ADAM12: variants seen among roughly 807,000 people sequenced by gnomAD.
ADAM12 encodes ADAM metallopeptidase domain 12.
Under a neutral mutation model 106.4 loss-of-function variants are expected in ADAM12, and 70 were observed. That is an observed-to-expected ratio of 0.66 (90% CI 0.54 to 0.80). The LOEUF (loss-of-function observed/expected upper bound fraction) is 0.80. ADAM12 is among the 30% of genes least tolerant of loss of function. The pLI is 0.00. For synonymous variants in ADAM12, 420 were observed against 433.5 expected (o/e 0.97, Z 0.39); for missense variants, 1,010 against 1,171.9 (o/e 0.86, Z 2.02).
intron 2 of ADAM12, among the ~76,000 whole-genome samples, chr10:126,303,361 TC>T (rs1314018281): frequency 1.6e-4 from 24 of 152,200 alleles, no homozygotes; most frequent in Non-Finnish European, 3.4e-4. Flanking sequence ...ACTGTCATTT[TC>T]CCTTTTATTA....
chr10:126,130,403 A>G (rs1196202204), intron 5 of ADAM12, among the ~76,000 whole-genome samples: 2 of 152,080 alleles, frequency 1.3e-5, no homozygotes, highest in Non-Finnish European at 2.9e-5. Context: ...AAGCGCCCAC[A>G]GTGAGGAGTT....
intron 3 of ADAM12, among the ~76,000 whole-genome samples, chr10:126,234,351 CTTT>C (rs969863199): frequency 8.5e-5 from 13 of 152,198 alleles, no homozygotes; most frequent in African/African-American, 3.1e-4. Flanking sequence ...CATAAGTATT[CTTT>C]AAGCAGACAC....
At chr10:126,197,053 T>C (rs1179223131) in intron 3 of ADAM12, among the ~76,000 whole-genome samples, 8 of 152,094 alleles carry the variant, frequency 5.3e-5, no homozygotes, top group African/African-American at 1.9e-4. Context: ...GGCTTTAAGA[T>C]GGGAAGAAGA....
chr10:126,207,072 C>T (rs1565138434), intron 3 of ADAM12, among the ~76,000 whole-genome samples: 1 of 152,178 alleles, frequency 6.6e-6, no homozygotes, highest in Non-Finnish European at 1.5e-5. Context: ...GGAACTGAGT[C>T]TATTAAACCT....
intron 5 of ADAM12, among the ~76,000 whole-genome samples, chr10:126,125,494 C>T (rs189117562): frequency 1.3e-3 from 194 of 152,140 alleles, no homozygotes; most frequent in African/African-American, 4.0e-3. Context: ...CCGCCAGCCT[C>T]GGCCTCCCAA....
intron 3 of ADAM12, among the ~76,000 whole-genome samples, chr10:126,201,877 C>A (rs115767603): frequency 6.6e-6 from 1 of 152,368 alleles, no homozygotes; most frequent in African/African-American, 2.4e-5. Context: ...GCAAGACCTT[C>A]TACCTCGAGC....
chr10:126,111,250 T>C (rs1276823535), intron 6 of ADAM12, among the ~76,000 whole-genome samples: 1 of 152,202 alleles, frequency 6.6e-6, no homozygotes, highest in Non-Finnish European at 1.5e-5. Context: ...CTTTACAATG[T>C]TACAAGAAGA....
At chr10:126,154,391 G>T (rs1045632033) in intron 4 of ADAM12, among the ~76,000 whole-genome samples, 6 of 152,206 alleles carry the variant, frequency 3.9e-5, no homozygotes, top group African/African-American at 1.4e-4. Context: ...GAAGGCTGCA[G>T]GTATCAGCTT....
At chr10:126,223,505 C>T (rs1958134745) in intron 3 of ADAM12, among the ~76,000 whole-genome samples, 1 of 152,138 alleles carries the variant, frequency 6.6e-6, no homozygotes. Context: ...GAGCTGAGAG[C>T]CTAATAGGCA....
At chr10:126,273,089 C>G (rs1268121833) in intron 3 of ADAM12, 1 of 153,926 alleles carries the variant, frequency 6.5e-6, no homozygotes, top group Non-Finnish European at 1.4e-5. Context: ...AGTGATCTCC[C>G]AGCAACAAAT....
At chr10:126,145,864 C>T (rs1956617299) in intron 4 of ADAM12, among the ~76,000 whole-genome samples, 1 of 152,154 alleles carries the variant, frequency 6.6e-6, no homozygotes, top group Non-Finnish European at 1.5e-5. Flanking sequence ...TAAACATAGG[C>T]ATGTGTGAAA....
At chr10:126,082,313 G>A (rs1274152353) in intron 11 of ADAM12, among the ~76,000 whole-genome samples, 1 of 148,024 alleles carries the variant, frequency 6.8e-6, no homozygotes, top group East Asian at 2.0e-4. Flanking sequence ...AGAGTGAGAC[G>A]TGGCCACAAA....
At chr10:126,328,402 G>A (rs1162569681) in intron 2 of ADAM12, among the ~76,000 whole-genome samples, 1 of 152,176 alleles carries the variant, frequency 6.6e-6, no homozygotes, top group Non-Finnish European at 1.5e-5. Flanking sequence ...GCATGATTCA[G>A]TTCAAAATGA....
intron 3 of ADAM12, among the ~76,000 whole-genome samples, chr10:126,249,841 A>G (rs551984314): frequency 2.0e-5 from 3 of 152,308 alleles, no homozygotes; most frequent in South Asian, 2.1e-4. Flanking sequence ...TGTTACATGC[A>G]TAAGACATAC....
intron 14 of ADAM12, among the ~76,000 whole-genome samples, chr10:126,062,921 G>A (rs984708869): frequency 7.2e-5 from 11 of 152,198 alleles, no homozygotes; most frequent in East Asian, 1.9e-4. Flanking sequence ...AGCAGTAGCC[G>A]CAGTCCCAAA....
intron 3 of ADAM12, among the ~76,000 whole-genome samples, chr10:126,258,817 T>C (rs1051853085): frequency 2.0e-4 from 31 of 152,274 alleles, no homozygotes; most frequent in African/African-American, 7.0e-4. Flanking sequence ...AAGACACCTT[T>C]CTTTCCCTCA....
At chr10:126,085,174 C>T (rs554768576) in intron 11 of ADAM12, among the ~76,000 whole-genome samples, 1 of 152,192 alleles carries the variant, frequency 6.6e-6, no homozygotes, top group Admixed American at 6.5e-5. Context: ...GGATTATGTA[C>T]AGAAAAGCAG....
rs538671926 is a variant in ADAM12, at chr10:126,283,116, A to C, written c.187-4128T>G. On this transcript the variant is annotated intron_variant, in intron 2 of 22. Transcript: ENST00000448723. ...CACAACCTAGATCCCTCACGTGCAC[A>C]GTTCACAATAGGGTTTGTGCTCCTA... Among the ~76,000 whole-genome samples, 5 of 152,156 alleles carry C rather than the reference A, an allele frequency of 3.3e-5. No individual in the cohort carries two copies. In the East Asian group the frequency reaches 9.7e-4, roughly 29 times the overall value.
Position 126,178,769 on chromosome 10 carries a change from G to A in ADAM12, c.261-23464C>T, listed in dbSNP as rs540602266. On this transcript the variant is annotated intron_variant, in intron 3 of 22. Transcript: ENST00000448723. The stretch of plus-strand genomic sequence containing the variant: ...CTGTCAAAATCCACTCAAGCAGGCC[G>A]GGCGCAGTGGCTCACGCCTGTAATC... Among the ~76,000 whole-genome samples the A allele has an allele frequency of 3.3e-5, 5 of 152,106 alleles. No individual in the cohort carries two copies. The East Asian group carries it at 5.8e-4, about 18-fold the overall frequency.
Sources: allele counts gnomAD v4.1 joint callset (sites outside exome capture counted in the v4.1 genomes callset), GRCh38; gene constraint gnomAD v4.1.1; transcripts MANE v1.5; gene names NCBI Gene and HGNC (gene_info 2026-07-23, HGNC 2026-07-21).